The following LINGO2 variants were observed in gnomAD, a reference collection of about 807,000 sequenced individuals.
LINGO2 encodes leucine-rich repeat and immunoglobulin-like domain-containing nogo receptor-interacting protein 2.
A neutral mutation model predicts 30.6 loss-of-function variants in LINGO2; 14 were observed. The observed-to-expected ratio is 0.46, with a 90% CI of 0.30 to 0.72. The LOEUF (loss-of-function observed/expected upper bound fraction) is 0.72. Ranked by LOEUF, LINGO2 falls within the 30% of genes least tolerant of loss-of-function variation. LINGO2 has a pLI of 0.07. For synonymous variants in LINGO2, 317 were observed against 288.5 expected, an observed-to-expected ratio of 1.10 and a Z score of -1.00; for missense variants, 729 against 751.7, an observed-to-expected ratio of 0.97 and a Z score of 0.35.
At chr9:27,993,298 G>A (rs1563891038) in intron 5 of LINGO2, among the ~76,000 whole-genome samples, 2 of 151,976 alleles carry the variant, frequency 1.3e-5, no homozygotes, top group East Asian at 1.9e-4. Context: ...AACTTGGATT[G>A]TGGATAATTT....
intron 4 of LINGO2, among the ~76,000 whole-genome samples, chr9:28,177,735 C>T (rs1828787776): frequency 6.6e-6 from 1 of 152,036 alleles, no homozygotes; most frequent in Admixed American, 6.6e-5. Context: ...ACTCCAGAGA[C>T]CAGGCATCTT....
chr9:28,538,808 C>G (rs1205380516), intron 1 of LINGO2, among the ~76,000 whole-genome samples: 1 of 152,060 alleles, frequency 6.6e-6, no homozygotes, highest in Non-Finnish European at 1.5e-5. Context: ...TCCCCACCTC[C>G]TAACATTGTT....
chr9:28,956,576 ATC>A, the LINGO2 span, among the ~76,000 whole-genome samples: 1 of 53,214 alleles, frequency 1.9e-5, no homozygotes, highest in Admixed American at 2.1e-4. Context: ...TCCTTCCTCC[ATC>A]CCTCCCTCCC....
At chr9:28,849,192 A>G in the LINGO2 span, among the ~76,000 whole-genome samples, 1 of 152,016 alleles carries the variant, frequency 6.6e-6, no homozygotes, top group African/African-American at 2.4e-5. Context: ...TAAAACTTAC[A>G]CACAACAAAA....
At chr9:27,969,161 G>T (rs1820239589) in intron 5 of LINGO2, among the ~76,000 whole-genome samples, 2 of 151,974 alleles carry the variant, frequency 1.3e-5, no homozygotes, top group South Asian at 2.1e-4. Flanking sequence ...AGCAGATAGA[G>T]TATAAAACAG....
chr9:28,883,642 A>G, the LINGO2 span, among the ~76,000 whole-genome samples: 3,072 of 113,074 alleles, frequency 0.027, 328 homozygotes, highest in African/African-American at 0.051. Context: ...ATATATATAT[A>G]TATATATATA....
At chr9:28,050,009 G>A (rs2133052425) in intron 4 of LINGO2, among the ~76,000 whole-genome samples, 1 of 150,932 alleles carries the variant, frequency 6.6e-6, no homozygotes, top group Admixed American at 6.6e-5. Flanking sequence ...TCTGGAGACA[G>A]TGAAGGCTGA....
the LINGO2 span, among the ~76,000 whole-genome samples, chr9:28,680,911 A>G: frequency 4.0e-5 from 6 of 151,894 alleles, no homozygotes; most frequent in Non-Finnish European, 7.4e-5. Flanking sequence ...TACTCTGTTC[A>G]TTGTTTCCTT....
At chr9:28,598,428 A>AAC (rs1554643677) in intron 1 of LINGO2, among the ~76,000 whole-genome samples, 7,638 of 140,738 alleles carry the variant, frequency 0.054, 707 homozygotes, top group African/African-American at 0.19. Context: ...CAAAAAAAAA[A>AAC]AAAAAACAAA....
chr9:28,808,733 A>T, the LINGO2 span, among the ~76,000 whole-genome samples: 1 of 152,188 alleles, frequency 6.6e-6, no homozygotes, highest in Non-Finnish European at 1.5e-5. Flanking sequence ...TCCAAGGAGA[A>T]ATGAGATTAT....
chr9:28,270,408 C>T (rs774067291), intron 4 of LINGO2, among the ~76,000 whole-genome samples: 21 of 151,938 alleles, frequency 1.4e-4, no homozygotes, highest in Non-Finnish European at 2.4e-4. Context: ...GATGACCACC[C>T]GGGGAAAGAA....
intron 1 of LINGO2, among the ~76,000 whole-genome samples, chr9:28,562,729 T>G (rs1823163727): frequency 6.6e-6 from 1 of 152,106 alleles, no homozygotes; most frequent in African/African-American, 2.4e-5. Context: ...AGATTTTATA[T>G]TTTAAAAGCT....
chr9:28,654,328 T>G (rs1006919574), intron 1 of LINGO2, among the ~76,000 whole-genome samples: 5 of 152,136 alleles, frequency 3.3e-5, no homozygotes, highest in Non-Finnish European at 4.4e-5. Flanking sequence ...GTTTAATTAA[T>G]GTATAGCATA....
intron 4 of LINGO2, among the ~76,000 whole-genome samples, chr9:28,228,019 C>T (rs1001476716): frequency 6.6e-6 from 1 of 151,954 alleles, no homozygotes; most frequent in African/African-American, 2.4e-5. Context: ...ATAAATAGAT[C>T]ATCAGATCGA....
Position 28,233,296 on chromosome 9 carries a change from C to T in LINGO2, c.-87+61912G>A, listed in dbSNP as rs1467075703. The stretch of plus-strand genomic sequence containing the variant: ...AATGGGCTCCAGTGAGTTTGAGCAA[C>T]TAAACATACATTTACTTCCTATTTG... On this transcript the variant is annotated intron_variant, in intron 4 of 5. Transcript: ENST00000379992. Among the ~76,000 whole-genome samples the T allele has an allele frequency of 3.3e-5, 5 of 151,846 alleles. No individual in the cohort carries two copies. The East Asian group carries it at 9.7e-4, about 30-fold the overall frequency.
chr9:28,707,041 A>ATAGCTTGT, the LINGO2 span, among the ~76,000 whole-genome samples: 1 of 152,188 alleles, frequency 6.6e-6, no homozygotes, highest in African/African-American at 2.4e-5. Context: ...CCTTCTTTCA[A>ATAGCTTGT]AATATTTATA....
At chr9:28,265,952 G>A (rs1319830185) in intron 4 of LINGO2, among the ~76,000 whole-genome samples, 1 of 151,888 alleles carries the variant, frequency 6.6e-6, no homozygotes. Context: ...CATTCAAAGT[G>A]GGGACCAGAA....
At chr9:28,880,507 A>G in the LINGO2 span, among the ~76,000 whole-genome samples, 10 of 152,178 alleles carry the variant, frequency 6.6e-5, no homozygotes, top group Non-Finnish European at 1.2e-4. Flanking sequence ...CAGGGGCACA[A>G]TGCACTGTGG....
chr9:29,157,442 C>T, the LINGO2 span, among the ~76,000 whole-genome samples: 1 of 152,058 alleles, frequency 6.6e-6, no homozygotes, highest in East Asian at 1.9e-4. Context: ...ATATTAACTC[C>T]AACTTTATAG....
Sources: allele counts gnomAD v4.1 joint callset (sites outside exome capture counted in the v4.1 genomes callset), GRCh38; gene constraint gnomAD v4.1.1; transcripts MANE v1.5; gene names NCBI Gene and HGNC (gene_info 2026-07-23, HGNC 2026-07-21).